RYR3: variants seen among roughly 807,000 people sequenced by gnomAD.
RYR3 encodes ryanodine receptor 3, also known as brain ryanodine receptor-calcium release channel.
Under a neutral mutation model 584.3 loss-of-function variants are expected in RYR3, and 207 were observed. The observed-to-expected ratio is 0.35, with a 90% CI of 0.32 to 0.40. The LOEUF (loss-of-function observed/expected upper bound fraction) is 0.40, where lower values mean the gene tolerates loss of function less well. Ranked by LOEUF, RYR3 falls within the 10% of genes least tolerant of loss-of-function variation. The pLI is 1.00. For missense variants in RYR3, 5,616 were observed against 6,089.2 expected (o/e 0.92, Z 2.59); for synonymous variants, 2,416 against 2,248.5 (o/e 1.07, Z -2.11).
At position 33,664,591 on chromosome 15, in the gene RYR3, A is replaced by G. The variant is rs28624641; in HGVS notation, c.5619+854A>G. 2.7e-3 allele frequency among the ~76,000 whole-genome samples: 153 copies of G among 57,308 alleles called. 5 individuals are homozygous for G. The Middle Eastern group carries it at 0.051, about 19-fold the overall frequency. The allele number at this position is 57,308 out of a possible 152,430, so 37.6% of individuals were successfully genotyped here. A position where few individuals can be genotyped will look rare whatever the true frequency, so the allele number is the denominator to read the frequency against. On this transcript the variant is annotated intron_variant, in intron 36 of 103. Coordinates refer to ENST00000634891, the MANE Select transcript of RYR3 (RefSeq NM_001036.6). ...TATAGATATATGTGTGTGTGTGTGT[A>G]TATATATATATATATATATATATAC...
rs182131833 is a variant in RYR3, at chr15:33,463,386, A to T, written c.52-10033A>T. Among the ~76,000 whole-genome samples the T allele has an allele frequency of 1.8e-3, 270 of 152,200 alleles. 1 individual carries two copies. Among genetic ancestry groups the T allele is most frequent in the Non-Finnish European group, 3.0e-3 (202 of 68,008 alleles). On this transcript the variant is annotated intron_variant, in intron 1 of 103. Coordinates refer to ENST00000634891, the MANE Select transcript of RYR3 (RefSeq NM_001036.6). ...TGCAAGCTTTTGGGTGTGGTCACTC[A>T]CCTGCTGTGTTCTGATTGGGTGGGA...
chr15:33,434,464 ATG>A (rs1434887423), intron 1 of RYR3, among the ~76,000 whole-genome samples: 1 of 111,764 alleles, frequency 8.9e-6, no homozygotes, highest in Non-Finnish European at 2.0e-5. Context: ...ATATTTCCAC[ATG>A]TCTAAAACTT....
intron 43 of RYR3, among the ~76,000 whole-genome samples, chr15:33,714,390 T>C (rs1036727428): frequency 6.6e-6 from 1 of 152,232 alleles, no homozygotes; most frequent in African/African-American, 2.4e-5. Context: ...TTTAAGAAAA[T>C]GTTTTAAGGC....
intron 77 of RYR3, 60 bp from the exon 78 acceptor site, chr15:33,820,696 A>T: frequency 7.0e-7 from 1 of 1,426,252 alleles, no homozygotes; most frequent in Non-Finnish European, 9.7e-7. Flanking sequence ...AGTTGTGTTT[A>T]TTAGATTTCC....
At chr15:33,632,786 A>C (rs989383458) in intron 23 of RYR3, among the ~76,000 whole-genome samples, 163 bp from the exon 24 acceptor site, 1 of 152,222 alleles carries the variant, frequency 6.6e-6, no homozygotes, top group Admixed American at 6.5e-5. Flanking sequence ...GGCTTCATCT[A>C]TAGACTTGAA....
intron 1 of RYR3, among the ~76,000 whole-genome samples, chr15:33,386,987 AGCT>A (rs1451902238): frequency 2.0e-5 from 3 of 151,756 alleles, no homozygotes; most frequent in Non-Finnish European, 4.4e-5. Context: ...CCTCCTGAGT[AGCT>A]GGGACTACAG....
In RYR3 at chr15:33,432,589, T is replaced by G. The variant is rs138680867; in HGVS notation, c.52-40830T>G. Among the ~76,000 whole-genome samples, 762 of 150,728 alleles carry G rather than the reference T, an allele frequency of 5.1e-3. 6 individuals are homozygous for G. Among genetic ancestry groups the G allele is most frequent in the African/African-American group, 0.018 (722 of 40,434 alleles). ...CTTAAATTTCATTAGATGTGAAGAT[T>G]TTTCTTTTTTTCTTTCTTTTTTTTT... On this transcript the variant is annotated intron_variant, in intron 1 of 103. Coordinates refer to ENST00000634891, the MANE Select transcript of RYR3 (RefSeq NM_001036.6).
intron 16 of RYR3, among the ~76,000 whole-genome samples, chr15:33,596,543 A>G (rs964820207): frequency 1.3e-5 from 2 of 150,084 alleles, no homozygotes; most frequent in Non-Finnish European, 3.0e-5. Context: ...TTTTAAGTGG[A>G]TGAATAATAC....
At chr15:33,788,129 A>T in intron 66 of RYR3, 89 bp from the exon 67 acceptor site, 1 of 1,536,216 alleles carries the variant, frequency 6.5e-7, no homozygotes, top group South Asian at 1.2e-5. Context: ...AGTCGATGGG[A>T]TTCCACGGCC....
At chr15:33,438,078 TTGTC>T (rs1399180760) in intron 1 of RYR3, among the ~76,000 whole-genome samples, 5 of 152,216 alleles carry the variant, frequency 3.3e-5, no homozygotes, top group Admixed American at 6.5e-5. Flanking sequence ...TAACCAGAAT[TTGTC>T]TGGTTAGACA....
rs990372822 is a variant in RYR3, at chr15:33,412,863, CAGTCT to C, written c.52-60555_52-60551del. Among the ~76,000 whole-genome samples, 5 of 152,170 alleles carry C rather than the reference CAGTCT, an allele frequency of 3.3e-5. No individual in the cohort carries two copies. The highest frequency in any genetic ancestry group is 1.2e-4 in the African/African-American group (5 of 41,432). On this transcript the variant is annotated intron_variant, in intron 1 of 103. Transcript: ENST00000634891. The surrounding 1 kb of genome is among the most constrained non-coding windows in gnomAD (Gnocchi z 4.3). ...GTGTCATGCAAAGGAGGAGGAAAAC[CAGTCT>C]TCCTGGGGGAAGGCAGCTGGGGTTG...
chr15:33,628,376 G>A, intron 20 of RYR3, 95 bp from the exon 21 acceptor site: 1 of 785,906 alleles, frequency 1.3e-6, no homozygotes. Context: ...CTCCTCCTGG[G>A]TGATGTGCCA....
chr15:33,517,447 A>G (rs186508694), intron 3 of RYR3, among the ~76,000 whole-genome samples: 1 of 152,384 alleles, frequency 6.6e-6, no homozygotes. Flanking sequence ...TGTACATTAC[A>G]ATGACCATTT....
At chr15:33,520,608 A>G (rs11632252) in intron 3 of RYR3, among the ~76,000 whole-genome samples, 35,951 of 152,132 alleles carry the variant, frequency 0.24, 5,141 homozygotes, top group Middle Eastern at 0.46. Flanking sequence ...ATTCGGAAAA[A>G]AAAAATTGCC....
chr15:33,326,819 A>G (rs1969760414), intron 1 of RYR3, among the ~76,000 whole-genome samples: 1 of 152,206 alleles, frequency 6.6e-6, no homozygotes, highest in African/African-American at 2.4e-5. Flanking sequence ...AATTAAGTCT[A>G]AAAATTTTGA....
chr15:33,794,933 G>A (rs1025278156), intron 67 of RYR3, among the ~76,000 whole-genome samples: 44 of 152,286 alleles, frequency 2.9e-4, no homozygotes, highest in South Asian at 1.0e-3. Context: ...TGGGAAAAGT[G>A]GGGAGCAAAA....
At chr15:33,327,521 T>G (rs1472180632) in intron 1 of RYR3, among the ~76,000 whole-genome samples, 2 of 152,250 alleles carry the variant, frequency 1.3e-5, no homozygotes, top group Non-Finnish European at 2.9e-5. Flanking sequence ...ACAATCAGAT[T>G]GTTTAAAATT....
chr15:33,660,028 C>T (rs549789960), intron 33 of RYR3, among the ~76,000 whole-genome samples, 169 bp from the exon 34 acceptor site: 87 of 152,312 alleles, frequency 5.7e-4, no homozygotes, highest in African/African-American at 2.0e-3. Context: ...TCAATTAATG[C>T]TCATATAACC....
intron 65 of RYR3, among the ~76,000 whole-genome samples, 172 bp from the exon 66 acceptor site, chr15:33,785,490 G>C (rs1010499522): frequency 3.9e-5 from 6 of 152,186 alleles, no homozygotes; most frequent in African/African-American, 1.4e-4. Context: ...TCTGGAAGCT[G>C]CACTCTGTTC....
Sources: allele counts gnomAD v4.1 joint callset (sites outside exome capture counted in the v4.1 genomes callset), GRCh38; gene constraint gnomAD v4.1.1; non-coding constraint Gnocchi (gnomAD v3.1); transcripts MANE v1.5; gene names NCBI Gene and HGNC (gene_info 2026-07-23, HGNC 2026-07-21).